Variants in LYPLAL1 observed in about 807,000 individuals in gnomAD.
LYPLAL1 encodes the protein lysophospholipase-like protein 1.
LYPLAL1 carries 23 observed loss-of-function variants against 19.7 expected under a neutral mutation model. The ratio of observed to expected loss-of-function variants is 1.17; its 90% CI spans 0.84 to 1.65. The LOEUF (loss-of-function observed/expected upper bound fraction) is 1.65, where lower values mean the gene tolerates loss of function less well. Among genes scored for constraint, LYPLAL1 ranks in the 40% most tolerant of loss-of-function variants. The pLI, the probability that LYPLAL1 is intolerant of heterozygous loss-of-function variation, is 0.00. For synonymous variants in LYPLAL1, 119 were observed against 96.3 expected, an observed-to-expected ratio of 1.24 and a Z score of -1.38; for missense variants, 355 against 279.4, an observed-to-expected ratio of 1.27 and a Z score of -1.93.
At chr1:219,320,997 G>A in the LYPLAL1 span, among the ~76,000 whole-genome samples, 115,706 of 152,068 alleles carry the variant, frequency 0.76, 44,459 homozygotes, top group East Asian at 0.97. Flanking sequence ...CTAGTTCTAG[G>A]TCCATGAAGA....
chr1:219,424,047 T>G, the LYPLAL1 span, among the ~76,000 whole-genome samples: 1 of 149,240 alleles, frequency 6.7e-6, no homozygotes, highest in Non-Finnish European at 1.5e-5. Context: ...TATACTATAT[T>G]ATAAAATATA....
chr1:219,421,949 AC>A, the LYPLAL1 span, among the ~76,000 whole-genome samples: 1 of 152,192 alleles, frequency 6.6e-6, no homozygotes, highest in African/African-American at 2.4e-5. Flanking sequence ...TCTTTCACCA[AC>A]AAAAATTTGA....
At chr1:219,251,803 A>G in the LYPLAL1 span, among the ~76,000 whole-genome samples, 1 of 151,968 alleles carries the variant, frequency 6.6e-6, no homozygotes, top group Admixed American at 6.6e-5. Flanking sequence ...AGCTTTTTCT[A>G]GTTCTGTAAA....
At chr1:219,316,890 G>C in the LYPLAL1 span, among the ~76,000 whole-genome samples, 1 of 152,102 alleles carries the variant, frequency 6.6e-6, no homozygotes, top group Non-Finnish European at 1.5e-5. Flanking sequence ...AGGGGCTGGG[G>C]GGAGGAGGAA....
At chr1:219,309,746 T>A in the LYPLAL1 span, among the ~76,000 whole-genome samples, 2 of 152,200 alleles carry the variant, frequency 1.3e-5, no homozygotes, top group African/African-American at 4.8e-5. Flanking sequence ...GAACTGTAAG[T>A]TCAATTAAAC....
chr1:219,418,008 G>A, the LYPLAL1 span, among the ~76,000 whole-genome samples: 3 of 152,154 alleles, frequency 2.0e-5, no homozygotes, highest in Non-Finnish European at 4.4e-5. Flanking sequence ...TACTTAATAG[G>A]TTTAATTAAG....
At chr1:219,301,861 G>T in the LYPLAL1 span, among the ~76,000 whole-genome samples, 1 of 151,976 alleles carries the variant, frequency 6.6e-6, no homozygotes, top group African/African-American at 2.4e-5. Context: ...GCAAAAAGTG[G>T]CCAGTAACTA....
chr1:219,421,569 TCTG>T, the LYPLAL1 span, among the ~76,000 whole-genome samples: 1 of 152,228 alleles, frequency 6.6e-6, no homozygotes, highest in African/African-American at 2.4e-5. Context: ...TACATAATAT[TCTG>T]CTGATAAAAC....
intron 3 of LYPLAL1, among the ~76,000 whole-genome samples, chr1:219,197,057 C>T (rs1481904133): frequency 1.3e-5 from 2 of 152,102 alleles, no homozygotes; most frequent in Non-Finnish European, 2.9e-5. Flanking sequence ...GGCCATACTA[C>T]CCGAAGTAAT....
In LYPLAL1 at chr1:219,210,530, A is replaced by C. The variant is rs1658933600; in HGVS notation, c.362-2A>C. 1.3e-6 allele frequency: 2 copies of C among 1,570,568 alleles called. No homozygotes were observed. The highest frequency in any genetic ancestry group is 2.7e-5 in the African/African-American group (2 of 73,594). The stretch of plus-strand genomic sequence containing the variant: ...TACTTTTAAGTATGTTTTTGTTTTT[A>C]GGAGGATTCTCTATGGGAGGATGCA... On this transcript the variant is annotated splice_acceptor_variant, in intron 3 of 4. Transcript: ENST00000366928. LOFTEE classifies it high-confidence loss of function.
At chr1:219,369,973 A>G in the LYPLAL1 span, among the ~76,000 whole-genome samples, 1 of 152,330 alleles carries the variant, frequency 6.6e-6, no homozygotes, top group East Asian at 1.9e-4. Context: ...GCCTAGGACA[A>G]AAAAAGAAGA....
chr1:219,210,764 G>A (rs1429313384), intron 4 of LYPLAL1, 117 bp downstream of exon 4: 3 of 888,820 alleles, frequency 3.4e-6, no homozygotes, highest in Non-Finnish European at 4.8e-6. Flanking sequence ...CAGTTGATAT[G>A]GATTGACCAT....
At chr1:219,358,485 T>C in the LYPLAL1 span, among the ~76,000 whole-genome samples, 1 of 152,142 alleles carries the variant, frequency 6.6e-6, no homozygotes, top group Admixed American at 6.5e-5. Context: ...CTGGGTAATT[T>C]ATAAAGAAAA....
the LYPLAL1 span, among the ~76,000 whole-genome samples, chr1:219,369,071 G>A: frequency 4.7e-4 from 72 of 152,310 alleles, no homozygotes; most frequent in South Asian, 0.014. Context: ...AAAATGGGAT[G>A]ATATCTTTTA....
the LYPLAL1 span, among the ~76,000 whole-genome samples, chr1:219,274,690 G>T: frequency 3.9e-5 from 6 of 152,072 alleles, no homozygotes; most frequent in Non-Finnish European, 8.8e-5. Flanking sequence ...GGCCAGTTTT[G>T]TATTTTTTAG....
the LYPLAL1 span, among the ~76,000 whole-genome samples, chr1:219,347,279 T>C: frequency 1.4e-5 from 2 of 142,252 alleles, no homozygotes; most frequent in Admixed American, 7.3e-5. Flanking sequence ...TTCTTTTCCT[T>C]TTTAGCTAGG....
the LYPLAL1 span, among the ~76,000 whole-genome samples, chr1:219,278,562 T>C: frequency 7.2e-5 from 11 of 152,168 alleles, no homozygotes; most frequent in Non-Finnish European, 1.6e-4. Flanking sequence ...TTGAGGAAAG[T>C]CTGGCTCTTG....
chr1:219,197,953 C>T (rs1442597916), intron 3 of LYPLAL1, among the ~76,000 whole-genome samples: 1 of 151,938 alleles, frequency 6.6e-6, no homozygotes, highest in African/African-American at 2.4e-5. Flanking sequence ...GCCAGATTGC[C>T]CATAAACCTC....
At chr1:219,378,883 A>T in the LYPLAL1 span, among the ~76,000 whole-genome samples, 1 of 152,186 alleles carries the variant, frequency 6.6e-6, no homozygotes, top group Non-Finnish European at 1.5e-5. Context: ...GAACTCATGC[A>T]GTAAGTAGTT....
Sources: allele counts gnomAD v4.1 joint callset (sites outside exome capture counted in the v4.1 genomes callset), GRCh38; gene constraint gnomAD v4.1.1; transcripts MANE v1.5; gene names NCBI Gene and HGNC (gene_info 2026-07-23, HGNC 2026-07-21).